PC: variants seen among roughly 807,000 people sequenced by gnomAD.
PC encodes the protein pyruvate carboxylase.
Under a neutral mutation model 107.8 loss-of-function variants are expected in PC, and 46 were observed. That is an observed-to-expected ratio of 0.43 (90% CI 0.34 to 0.55). The LOEUF is 0.55. PC is among the 20% of genes least tolerant of loss of function. The pLI, the probability that PC is intolerant of heterozygous loss-of-function variation, is 0.04. For synonymous variants in PC, 662 were observed against 684.7 expected, an observed-to-expected ratio of 0.97 and a Z score of 0.52; for missense variants, 1,241 against 1,643.1, an observed-to-expected ratio of 0.76 and a Z score of 4.23.
intron 12 of PC, among the ~76,000 whole-genome samples, chr11:66,862,153 A>G (rs1448889683): frequency 4.6e-5 from 7 of 152,178 alleles, no homozygotes; most frequent in Non-Finnish European, 1.0e-4. Flanking sequence ...CAGGAGCCGC[A>G]GCAAGGTGCA....
At chr11:66,907,250 A>AG (rs1948192847) in intron 3 of PC, among the ~76,000 whole-genome samples, 1 of 152,240 alleles carries the variant, frequency 6.6e-6, no homozygotes, top group Non-Finnish European at 1.5e-5. Flanking sequence ...GTTCTCGGCC[A>AG]GGAACAGTGG....
chr11:66,918,381 C>CA (rs1375802831), intron 3 of PC, among the ~76,000 whole-genome samples: 3 of 151,156 alleles, frequency 2.0e-5, no homozygotes, highest in African/African-American at 4.9e-5. Flanking sequence ...AAAACATATA[C>CA]AAAATCTACT....
intron 3 of PC, among the ~76,000 whole-genome samples, chr11:66,918,546 G>A (rs147910412): frequency 0.02 from 3,058 of 151,808 alleles, 117 homozygotes; most frequent in African/African-American, 0.07. Context: ...CTAATTTTTT[G>A]TATTTTTGTA....
At chr11:66,921,528 A>G (rs1409016347) in intron 3 of PC, among the ~76,000 whole-genome samples, 4 of 152,168 alleles carry the variant, frequency 2.6e-5, no homozygotes, top group Non-Finnish European at 4.4e-5. Flanking sequence ...GGAGCCATTC[A>G]GGGAAATAAA....
At chr11:66,860,324 G>C in intron 12 of PC, 1 of 1,329,696 alleles carries the variant, frequency 7.5e-7, no homozygotes, top group Non-Finnish European at 1.0e-6. Context: ...TGTGTACTTG[G>C]AGGGGCAGGG....
intron 3 of PC, among the ~76,000 whole-genome samples, chr11:66,894,118 A>C (rs1164969549): frequency 6.6e-6 from 1 of 152,114 alleles, no homozygotes; most frequent in African/African-American, 2.4e-5. Context: ...TAGCATCCCC[A>C]AATACAGGCA....
intron 12 of PC, among the ~76,000 whole-genome samples, chr11:66,861,588 G>A (rs1283492407): frequency 6.9e-6 from 1 of 145,850 alleles, no homozygotes; most frequent in Non-Finnish European, 1.5e-5. Context: ...CAAGGTCCTC[G>A]ACAGAGAAGG....
Position 66,849,870 on chromosome 11 carries a change from A to G in PC, c.2899-11T>C. On this transcript the variant is annotated splice_polypyrimidine_tract_variant and intron_variant, in intron 20 of 22. Coordinates refer to ENST00000393960, the MANE Select transcript of PC (RefSeq NM_001040716.2). ...CAGGTCCTTCAGTACCTGGGGAGCA[A>G]AGCAGAGGATCAGTCCCAAGTCCTG... The G allele has an allele frequency of 6.2e-7, 1 of 1,613,600 alleles. No homozygotes were observed. Among genetic ancestry groups the G allele is most frequent in the Non-Finnish European group, 8.5e-7 (1 of 1,179,994 alleles).
chr11:66,866,351 T>C lies in PC; in HGVS notation c.1023-2A>G. 1 of 1,512,498 alleles carries C rather than the reference T, an allele frequency of 6.6e-7. No individual in the cohort carries two copies. The highest frequency in any genetic ancestry group is 1.8e-5 in the Admixed American group (1 of 54,382). The allele number at this position is 1,512,498 out of a possible 1,614,324, so 93.7% of individuals were successfully genotyped here. A position where few individuals can be genotyped will look rare whatever the true frequency, so the allele number is the denominator to read the frequency against. The stretch of plus-strand genomic sequence containing the variant: ...ATCTGAGCATGGACCAGGTCTACGC[T>C]GTAGGGCATTGGGGGGAGGGGGGAA... On this transcript the variant is annotated splice_acceptor_variant, in intron 10 of 22. Transcript: ENST00000393960. LOFTEE classifies it high-confidence loss of function. This position sits in a 1 kb window ranked among gnomAD's most constrained non-coding sequence, Gnocchi z 5.4.
intron 3 of PC, among the ~76,000 whole-genome samples, chr11:66,904,214 T>C (rs971621531): frequency 4.0e-5 from 6 of 151,570 alleles, no homozygotes; most frequent in Non-Finnish European, 7.4e-5. Context: ...CCACCCCTCC[T>C]GCACCCTGCC....
At chr11:66,883,089 C>T (rs757836278) in intron 3 of PC, among the ~76,000 whole-genome samples, 5 of 152,206 alleles carry the variant, frequency 3.3e-5, no homozygotes, top group Non-Finnish European at 7.3e-5. Context: ...AGTGGCACTG[C>T]GGCGACGAAC....
rs45505701 is a variant in PC at position 66,848,793 on chromosome 11, C to T, written c.*106G>A. ...TGTCCAGCTGTGGACAGGACCTCCACGGCCCGGCCTTCCTGGCCTCGGGCA... is the reference window on the plus strand; with the variant it reads ...TGTCCAGCTGTGGACAGGACCTCCATGGCCCGGCCTTCCTGGCCTCGGGCA... On this transcript the variant is annotated 3_prime_UTR_variant, in exon 23 of 23. Coordinates refer to ENST00000393960, the MANE Select transcript of PC (RefSeq NM_001040716.2). 45 of 1,446,036 alleles carry T rather than the reference C, an allele frequency of 3.1e-5. No homozygotes were observed. In the Admixed American group the frequency reaches 3.5e-4, roughly 11 times the overall value. 89.6% of individuals were successfully genotyped at this position (1,446,036 alleles called of 1,614,324 possible). A position where few individuals can be genotyped will look rare whatever the true frequency, so the allele number is the denominator to read the frequency against.
chr11:66,949,262 G>C (rs915487013), intron 3 of PC, among the ~76,000 whole-genome samples: 1 of 151,680 alleles, frequency 6.6e-6, no homozygotes, highest in African/African-American at 2.4e-5. Context: ...AAAGTGCTAG[G>C]ATTACAGGCG....
chr11:66,923,380 CA>C (rs1330022143), intron 3 of PC, among the ~76,000 whole-genome samples: 85 of 104,482 alleles, frequency 8.1e-4, no homozygotes, highest in East Asian at 2.5e-3. Flanking sequence ...GACTCCGTCT[CA>C]AAAAAAAAAA....
At chr11:66,955,091 C>T in intron 1 of PC, among the ~76,000 whole-genome samples, 1 of 152,314 alleles carries the variant, frequency 6.6e-6, no homozygotes, top group East Asian at 1.9e-4. Context: ...AACTCCTTTC[C>T]GTATTCCCCA....
At chr11:66,956,599 A>C (rs983661184) in intron 1 of PC, among the ~76,000 whole-genome samples, 2 of 152,112 alleles carry the variant, frequency 1.3e-5, no homozygotes, top group Admixed American at 1.3e-4. Context: ...AAACAAAAAC[A>C]AAAAAACCTC....
At position 66,857,854 on chromosome 11, in the gene PC, G is replaced by A; in HGVS notation, c.1369-4471C>T. On this transcript the variant is annotated intron_variant, in intron 12 of 22. Transcript: ENST00000393960. This position sits in a 1 kb window ranked among gnomAD's most constrained non-coding sequence, Gnocchi z 7.1. The stretch of plus-strand genomic sequence containing the variant: ...TCGCTCAGCACCCTCTGTGCCCACC[G>A]AGGCCTGCTGTTTGTGCCGCCCAAC... 3 of 1,608,694 alleles carry A rather than the reference G, an allele frequency of 1.9e-6. No individual in the cohort carries two copies. The highest frequency in any genetic ancestry group is 2.5e-6 in the Non-Finnish European group (3 of 1,179,882).
At chr11:66,906,091 T>C (rs966832225) in intron 3 of PC, among the ~76,000 whole-genome samples, 1 of 151,764 alleles carries the variant, frequency 6.6e-6, no homozygotes, top group African/African-American at 2.4e-5. Flanking sequence ...ACTCTCAAAG[T>C]TGTGGGGAAG....
chr11:66,942,102 C>CAA (rs1395089494), intron 3 of PC, among the ~76,000 whole-genome samples: 1 of 108,302 alleles, frequency 9.2e-6, no homozygotes, highest in Non-Finnish European at 1.9e-5. Context: ...AACTCCATCT[C>CAA]AAAAAAAAAA....
Sources: allele counts gnomAD v4.1 joint callset (sites outside exome capture counted in the v4.1 genomes callset), GRCh38; gene constraint gnomAD v4.1.1; non-coding constraint Gnocchi (gnomAD v3.1); transcripts MANE v1.5; gene names NCBI Gene and HGNC (gene_info 2026-07-23, HGNC 2026-07-21).